USH2A: variants seen among roughly 807,000 people sequenced by gnomAD.
The protein encoded by USH2A is usherin.
Under a neutral mutation model 538.9 loss-of-function variants are expected in USH2A, and 443 were observed. The ratio of observed to expected loss-of-function variants is 0.82; its 90% CI spans 0.76 to 0.89. USH2A has a LOEUF of 0.89. USH2A is among the 40% of genes least tolerant of loss of function. The probability of loss-of-function intolerance (pLI) is 0.00; values close to 1 mark genes in which losing one functional copy is unlikely to be tolerated. For synonymous variants in USH2A, 2,413 were observed against 2,273.5 expected (o/e 1.06, Z -1.75); for missense variants, 6,633 against 6,324.8 (o/e 1.05, Z -1.65).
chr1:216,215,741 G>T (rs1286717348), intron 15 of USH2A, among the ~76,000 whole-genome samples: 1 of 152,078 alleles, frequency 6.6e-6, no homozygotes, highest in Non-Finnish European at 1.5e-5. Flanking sequence ...TAATTTTAAA[G>T]AGATAAAAAA....
Position 215,877,892 on chromosome 1 carries a change from G to C in USH2A, c.8559-12C>G, listed in dbSNP as rs1443874132. ...TCAGAAGCTCATATCTAAAGCAAAA[G>C]ACAAGCAGGAACATCAGGATTATCT... is the stretch of plus-strand genomic sequence containing the variant. On this transcript the variant is annotated splice_polypyrimidine_tract_variant and intron_variant, in intron 42 of 71. Transcript: ENST00000307340. 1.2e-6 allele frequency: 2 copies of C among 1,613,382 alleles called. No homozygotes were observed. Among genetic ancestry groups the C allele is most frequent in the African/African-American group, 2.7e-5 (2 of 74,894 alleles).
At chr1:216,243,346 C>T (rs550847052) in intron 13 of USH2A, among the ~76,000 whole-genome samples, 17 of 152,270 alleles carry the variant, frequency 1.1e-4, no homozygotes, top group African/African-American at 4.1e-4. Flanking sequence ...TTAAAAGCAT[C>T]TATTCGGAAG....
chr1:216,305,439 C>T (rs1032963479), intron 9 of USH2A, among the ~76,000 whole-genome samples: 1 of 152,096 alleles, frequency 6.6e-6, no homozygotes, highest in African/African-American at 2.4e-5. Context: ...ACAGCAGATA[C>T]TTGCTTGGTG....
intron 15 of USH2A, among the ~76,000 whole-genome samples, chr1:216,209,569 G>A (rs555314926): frequency 2.0e-5 from 3 of 152,278 alleles, no homozygotes; most frequent in Non-Finnish European, 4.4e-5. Context: ...TATGAACTCT[G>A]TCTAAAAGAT....
chr1:216,415,902 T>G (rs555598709), intron 3 of USH2A, among the ~76,000 whole-genome samples: 1 of 152,058 alleles, frequency 6.6e-6, no homozygotes, highest in African/African-American at 2.4e-5. Flanking sequence ...CTCTGGCTCA[T>G]GCCTGTAATA....
chr1:215,739,766 C>T (rs1423031833), intron 60 of USH2A, among the ~76,000 whole-genome samples: 1 of 152,114 alleles, frequency 6.6e-6, no homozygotes, highest in Admixed American at 6.5e-5. Context: ...TTTCTCCTTT[C>T]GTAATTTTTT....
chr1:216,019,726 T>C (rs1301741069), intron 32 of USH2A, among the ~76,000 whole-genome samples: 2 of 152,182 alleles, frequency 1.3e-5, no homozygotes, highest in East Asian at 1.9e-4. Context: ...TAATTCATCA[T>C]AAAATGTCTT....
At position 216,078,159 on chromosome 1, in the gene USH2A, A is replaced by G; in HGVS notation, c.5502T>C (p.Asn1834=). The G allele has an allele frequency of 6.2e-7, 1 of 1,613,706 alleles. No homozygotes were observed. Reference sequence around the variant, plus strand: ...GGATTCCTCCCACATAAACTGGTGAATTCACCACCAGTGGCTGGTCTCCGG... The same window carrying G: ...GGATTCCTCCCACATAAACTGGTGAGTTCACCACCAGTGGCTGGTCTCCGG... ...SESGDQPLVV[N]SPVYVGGIPQ... Residue 1834 remains asparagine, a synonymous_variant, in exon 27 of 72, where the codon AAT becomes AAC. Coordinates refer to ENST00000307340, the MANE Select transcript of USH2A (RefSeq NM_206933.4).
chr1:216,316,546 A>G (rs962188431), intron 9 of USH2A, among the ~76,000 whole-genome samples: 2 of 152,174 alleles, frequency 1.3e-5, no homozygotes, highest in African/African-American at 4.8e-5. Context: ...ATACTGTTGT[A>G]AATGTGGTAA....
At chr1:215,847,422 A>G (rs1404024323) in intron 44 of USH2A, among the ~76,000 whole-genome samples, 1 of 152,082 alleles carries the variant, frequency 6.6e-6, no homozygotes, top group Non-Finnish European at 1.5e-5. Flanking sequence ...TGAGGCTGAG[A>G]TCACTTGAGC....
intron 30 of USH2A, among the ~76,000 whole-genome samples, chr1:216,065,871 T>C (rs1416148021): frequency 6.6e-6 from 1 of 151,894 alleles, no homozygotes; most frequent in Non-Finnish European, 1.5e-5. Context: ...CACTCCAACC[T>C]GGGTGACAGA....
At chr1:216,011,714 T>G (rs1668576343) in intron 32 of USH2A, among the ~76,000 whole-genome samples, 1 of 152,038 alleles carries the variant, frequency 6.6e-6, no homozygotes, top group Non-Finnish European at 1.5e-5. Context: ...ACTCTCTACA[T>G]TTCTCATAAT....
chr1:216,172,104 TATATTC>T, intron 21 of USH2A, among the ~76,000 whole-genome samples: 1 of 152,212 alleles, frequency 6.6e-6, no homozygotes, highest in Non-Finnish European at 1.5e-5. Flanking sequence ...TTTTAGGACA[TATATTC>T]ATATGCTTGA....
At chr1:216,354,831 A>G (rs1305998732) in intron 4 of USH2A, among the ~76,000 whole-genome samples, 2 of 152,092 alleles carry the variant, frequency 1.3e-5, no homozygotes, top group Non-Finnish European at 2.9e-5. Flanking sequence ...AAAAAGGAAA[A>G]AAAGAAAGAA....
chr1:215,957,684 T>C (rs1286615689), intron 37 of USH2A, among the ~76,000 whole-genome samples: 1 of 152,138 alleles, frequency 6.6e-6, no homozygotes, highest in Non-Finnish European at 1.5e-5. Context: ...TATGTTCCCT[T>C]TTCTCCTCCT....
At chr1:216,409,257 T>C (rs1459866020) in intron 3 of USH2A, among the ~76,000 whole-genome samples, 1 of 152,092 alleles carries the variant, frequency 6.6e-6, no homozygotes, top group African/African-American at 2.4e-5. Context: ...TGTGTGACAT[T>C]CCATGCTCAT....
chr1:215,996,315 T>C (rs1377732070), intron 34 of USH2A, among the ~76,000 whole-genome samples: 1 of 152,162 alleles, frequency 6.6e-6, no homozygotes, highest in Non-Finnish European at 1.5e-5. Flanking sequence ...AAAGGCCACT[T>C]GATCCATAAT....
At chr1:216,131,481 G>C (rs1376904402) in intron 21 of USH2A, among the ~76,000 whole-genome samples, 1 of 152,010 alleles carries the variant, frequency 6.6e-6, no homozygotes, top group East Asian at 1.9e-4. Context: ...GTTGATATTT[G>C]TATAAGGTGA....
At chr1:215,651,719 A>G (rs1657086583) in intron 64 of USH2A, among the ~76,000 whole-genome samples, 1 of 152,094 alleles carries the variant, frequency 6.6e-6, no homozygotes. Flanking sequence ...GTGGGGGAAA[A>G]AAAGAAAAAA....
Sources: allele counts gnomAD v4.1 joint callset (sites outside exome capture counted in the v4.1 genomes callset), GRCh38; gene constraint gnomAD v4.1.1; transcripts MANE v1.5; gene names NCBI Gene and HGNC (gene_info 2026-07-23, HGNC 2026-07-21).